Variants in EIPR1 observed in about 807,000 individuals in gnomAD.
The protein encoded by EIPR1 is EARP and GARP complex-interacting protein 1.
In EIPR1, 25 loss-of-function variants were observed where a neutral mutation model predicts 48.1. The ratio of observed to expected loss-of-function variants is 0.52; its 90% confidence interval spans 0.38 to 0.73. EIPR1 has a LOEUF of 0.73. Ranked by LOEUF, EIPR1 falls within the 30% of genes least tolerant of loss-of-function variation. The pLI is 0.00. For synonymous variants in EIPR1, 204 were observed against 201.9 expected, an observed-to-expected ratio of 1.01 and a Z score of -0.09; for missense variants, 415 against 506.2, an observed-to-expected ratio of 0.82 and a Z score of 1.73.
chr2:3,353,323 T>C (rs1185924570), intron 2 of EIPR1: 1 of 470,904 alleles, frequency 2.1e-6, no homozygotes, highest in Admixed American at 2.4e-5. Context: ...CAGTCTTTAT[T>C]CTAAGAAGAG....
intron 1 of EIPR1, among the ~76,000 whole-genome samples, chr2:3,371,656 G>C: frequency 6.6e-6 from 1 of 152,198 alleles, no homozygotes; most frequent in Non-Finnish European, 1.5e-5. Flanking sequence ...TAAGGGTAAA[G>C]GGATCAATTC....
At chr2:3,194,257 C>T (rs778175033) in intron 6 of EIPR1, 91 bp from the exon 7 acceptor site, 1 of 1,502,790 alleles carries the variant, frequency 6.7e-7, no homozygotes, top group Non-Finnish European at 9.1e-7. Context: ...TTCCCGGGAC[C>T]CTGTCTAATC....
At chr2:3,253,365 G>T (rs6548146) in intron 4 of EIPR1, among the ~76,000 whole-genome samples, 1 of 151,966 alleles carries the variant, frequency 6.6e-6, no homozygotes. Context: ...GACCACCTTG[G>T]GCACATGTTC....
At chr2:3,340,836 T>G (rs11127414) in intron 2 of EIPR1, among the ~76,000 whole-genome samples, 2 of 151,688 alleles carry the variant, frequency 1.3e-5, no homozygotes, top group African/African-American at 4.8e-5. Context: ...GTGGCTGACA[T>G]CTGTAATCCC....
intron 3 of EIPR1, among the ~76,000 whole-genome samples, chr2:3,297,848 G>A (rs985381197): frequency 6.6e-6 from 1 of 152,140 alleles, no homozygotes; most frequent in African/African-American, 2.4e-5. Context: ...TTGAGATGGA[G>A]TCTCGTTCTG....
intron 3 of EIPR1, among the ~76,000 whole-genome samples, chr2:3,334,889 G>A (rs1321452456): frequency 6.6e-6 from 1 of 152,228 alleles, no homozygotes; most frequent in Non-Finnish European, 1.5e-5. Flanking sequence ...TGGAAGCCAC[G>A]ACTGGAAATC....
At chr2:3,244,630 A>T (rs4854154) in intron 4 of EIPR1, among the ~76,000 whole-genome samples, 146,755 of 152,262 alleles carry the variant, frequency 0.96, 70,953 homozygotes, top group East Asian at 1. Context: ...TTCCACCACT[A>T]GAGGACACAG....
intron 1 of EIPR1, among the ~76,000 whole-genome samples, chr2:3,376,554 G>A (rs1659890979): frequency 6.6e-6 from 1 of 152,112 alleles, no homozygotes; most frequent in Non-Finnish European, 1.5e-5. Flanking sequence ...AGTCGGGCGT[G>A]GTGGCGGGTG....
At chr2:3,218,307 C>T (rs539484671) in intron 4 of EIPR1, among the ~76,000 whole-genome samples, 2 of 150,090 alleles carry the variant, frequency 1.3e-5, no homozygotes, top group South Asian at 4.3e-4. Flanking sequence ...CACTCTAGAG[C>T]TTTCACAGTG....
At chr2:3,318,181 A>T (rs1052885373) in intron 3 of EIPR1, among the ~76,000 whole-genome samples, 8 of 152,246 alleles carry the variant, frequency 5.3e-5, no homozygotes, top group Non-Finnish European at 1.2e-4. Context: ...AGGCCGCAGA[A>T]GAGCGCAGCA....
intron 7 of EIPR1, 56 bp from the exon 8 acceptor site, chr2:3,192,637 A>C: frequency 1.3e-6 from 2 of 1,577,036 alleles, no homozygotes; most frequent in Non-Finnish European, 1.7e-6. Context: ...CAACACCAAC[A>C]ATGGATCACA....
Position 3,332,190 on chromosome 2 carries a change from T to G in EIPR1, c.259+5827A>C, listed in dbSNP as rs373858743. 3.4e-3 allele frequency among the ~76,000 whole-genome samples: 512 copies of G among 152,098 alleles called. 4 individuals are homozygous for G. The highest frequency in any genetic ancestry group is 0.012 in the African/African-American group (492 of 41,364). Reference sequence around the variant, plus strand: ...GCAGCAAAGTTGGGGTTTTTTAATGTTTATCTGAAACATACGCTTTTTTCT... The same window carrying G: ...GCAGCAAAGTTGGGGTTTTTTAATGGTTATCTGAAACATACGCTTTTTTCT... On this transcript the variant is annotated intron_variant, in intron 3 of 8. Coordinates refer to ENST00000382125, the MANE Select transcript of EIPR1 (RefSeq NM_003310.5).
chr2:3,249,494 T>C lies in EIPR1; in HGVS notation c.416+7805A>G, dbSNP rs570750980. Among the ~76,000 whole-genome samples, 8 of 152,348 alleles carry C rather than the reference T, an allele frequency of 5.3e-5. No individual in the cohort carries two copies. The East Asian group carries it at 1.2e-3, about 22-fold the overall frequency. On this transcript the variant is annotated intron_variant, in intron 4 of 8. Coordinates refer to ENST00000382125, the MANE Select transcript of EIPR1 (RefSeq NM_003310.5). ...ATAAATGACTTAAAGTTGGTATTTATGTTTAGAAGGGAATCAAAGCATAAT... is the reference window on the plus strand; with the variant it reads ...ATAAATGACTTAAAGTTGGTATTTACGTTTAGAAGGGAATCAAAGCATAAT...
intron 1 of EIPR1, among the ~76,000 whole-genome samples, chr2:3,361,080 A>C (rs1670840721): frequency 6.6e-6 from 1 of 152,224 alleles, no homozygotes; most frequent in Non-Finnish European, 1.5e-5. Context: ...CAGTCAAAGA[A>C]TTGAAGTGCA....
At chr2:3,367,442 C>A (rs1671001773) in intron 1 of EIPR1, among the ~76,000 whole-genome samples, 1 of 152,220 alleles carries the variant, frequency 6.6e-6, no homozygotes, top group Non-Finnish European at 1.5e-5. Flanking sequence ...GCAGGCAACA[C>A]CAATATTACC....
In EIPR1 at chr2:3,191,204, T is replaced by G. The variant is rs562405816; in HGVS notation, c.989+1210A>C. Among the ~76,000 whole-genome samples, 6 of 128,468 alleles carry G rather than the reference T, an allele frequency of 4.7e-5. No homozygotes were observed. In the South Asian group the frequency reaches 1.6e-3, roughly 34 times the overall value. 84.3% of individuals were successfully genotyped at this position (128,468 alleles called of 152,430 possible). A position where few individuals can be genotyped will look rare whatever the true frequency, so the allele number is the denominator to read the frequency against. On this transcript the variant is annotated intron_variant, in intron 8 of 8. Coordinates refer to ENST00000382125, the MANE Select transcript of EIPR1 (RefSeq NM_003310.5). ...GACAATCAGATGGGCCCATCGCCACTGCAGAGAGGGTCTGAAGACAGAGAC... is the reference window on the plus strand; with the variant it reads ...GACAATCAGATGGGCCCATCGCCACGGCAGAGAGGGTCTGAAGACAGAGAC...
chr2:3,321,555 A>G (rs1351669846), intron 3 of EIPR1, among the ~76,000 whole-genome samples: 1 of 152,212 alleles, frequency 6.6e-6, no homozygotes, highest in East Asian at 1.9e-4. Flanking sequence ...ACTATTTTCC[A>G]GCGAAAACCC....
intron 3 of EIPR1, among the ~76,000 whole-genome samples, chr2:3,335,765 G>GCA (rs1409791984): frequency 6.6e-6 from 1 of 151,956 alleles, no homozygotes; most frequent in African/African-American, 2.4e-5. Context: ...TTCCCACTTT[G>GCA]CTCTCTCTCT....
intron 5 of EIPR1, among the ~76,000 whole-genome samples, chr2:3,209,700 G>C (rs1216543167): frequency 6.6e-6 from 1 of 152,174 alleles, no homozygotes; most frequent in Non-Finnish European, 1.5e-5. Context: ...AAAAAGAAAT[G>C]TGCTTTCAAG....
Sources: allele counts gnomAD v4.1 joint callset (sites outside exome capture counted in the v4.1 genomes callset), GRCh38; gene constraint gnomAD v4.1.1; transcripts MANE v1.5; gene names NCBI Gene and HGNC (gene_info 2026-07-23, HGNC 2026-07-21).